Variants in TTLL9 observed in about 807,000 individuals in gnomAD.
TTLL9 encodes the protein tubulin tyrosine ligase like 9.
A neutral mutation model predicts 65.6 loss-of-function variants in TTLL9; 47 were observed. That is an observed-to-expected ratio of 0.72 (90% CI 0.57 to 0.91). The LOEUF (loss-of-function observed/expected upper bound fraction) is 0.91. Among genes scored for constraint, TTLL9 ranks in the 40% least tolerant of loss-of-function variants. TTLL9 has a pLI of 0.00. For missense variants in TTLL9, 537 were observed against 568.8 expected (o/e 0.94, Z 0.57); for synonymous variants, 179 against 204.8 (o/e 0.87, Z 1.07).
intron 3 of TTLL9, among the ~76,000 whole-genome samples, chr20:31,896,805 C>A (rs1333367871): frequency 6.6e-6 from 1 of 152,204 alleles, no homozygotes; most frequent in Non-Finnish European, 1.5e-5. Context: ...GTTAGGATTA[C>A]AGGCGTGAGA....
At chr20:31,873,242 C>T (rs1235560721) in intron 2 of TTLL9, among the ~76,000 whole-genome samples, 2 of 152,172 alleles carry the variant, frequency 1.3e-5, no homozygotes, top group Non-Finnish European at 2.9e-5. Context: ...GAAATGAAAG[C>T]AGGGGTGTTC....
intron 12 of TTLL9, among the ~76,000 whole-genome samples, chr20:31,935,896 G>A (rs925971898): frequency 6.6e-6 from 1 of 152,224 alleles, no homozygotes; most frequent in African/African-American, 2.4e-5. Flanking sequence ...TTGTGATTAG[G>A]ATGACTCCGG....
intron 2 of TTLL9, among the ~76,000 whole-genome samples, chr20:31,873,792 G>GA (rs2062987439): frequency 9.4e-6 from 1 of 106,276 alleles, no homozygotes; most frequent in African/African-American, 3.6e-5. Context: ...GAAAAAGAAA[G>GA]AAAGGAAGGA....
At position 31,928,925 on chromosome 20, in the gene TTLL9, G is replaced by A. The variant is rs189498047; in HGVS notation, c.748+2834G>A. Among the ~76,000 whole-genome samples, 16 of 152,286 alleles carry A rather than the reference G, an allele frequency of 1.1e-4. No homozygotes were observed. In the East Asian group the frequency reaches 2.7e-3, roughly 26 times the overall value. ...GTTTCCTTCTCTGTTGCCCCCGATC[G>A]AGTACAGTGGTGGGATCACAGCTCT... On this transcript the variant is annotated intron_variant, in intron 10 of 14. Transcript: ENST00000535842.
At chr20:31,887,118 A>G in intron 2 of TTLL9, 78 bp from the exon 3 acceptor site, 2 of 1,466,490 alleles carry the variant, frequency 1.4e-6, no homozygotes, top group Non-Finnish European at 1.9e-6. Flanking sequence ...GGGCATTTTA[A>G]TATCTGCAGT....
At chr20:31,919,824 C>T in intron 6 of TTLL9, 40 bp from the exon 7 acceptor site, 1 of 1,528,032 alleles carries the variant, frequency 6.5e-7, no homozygotes, top group Non-Finnish European at 8.8e-7. Flanking sequence ...AGGAACCACG[C>T]AGAGCTAAGA....
At chr20:31,890,196 T>C (rs1019243344) in intron 3 of TTLL9, among the ~76,000 whole-genome samples, 1 of 143,778 alleles carries the variant, frequency 7.0e-6, no homozygotes, top group African/African-American at 2.6e-5. Flanking sequence ...TTTCTTTCTT[T>C]CTTTCTCTTT....
At chr20:31,925,521 TTTA>T (rs2063886272) in intron 9 of TTLL9, among the ~76,000 whole-genome samples, 1 of 152,166 alleles carries the variant, frequency 6.6e-6, no homozygotes, top group Non-Finnish European at 1.5e-5. Flanking sequence ...AGCCTACTCT[TTTA>T]ACCAGGGAGT....
At chr20:31,883,430 T>C (rs1289915730) in intron 2 of TTLL9, among the ~76,000 whole-genome samples, 1 of 152,106 alleles carries the variant, frequency 6.6e-6, no homozygotes, top group Non-Finnish European at 1.5e-5. Flanking sequence ...ACTCCTGACC[T>C]TGTGATCCAC....
intron 10 of TTLL9, among the ~76,000 whole-genome samples, chr20:31,926,402 T>A (rs1472443236): frequency 1.3e-5 from 2 of 152,212 alleles, no homozygotes; most frequent in East Asian, 1.9e-4. Flanking sequence ...GATAACACAG[T>A]GTCCTGGCGA....
chr20:31,912,629 G>C (rs1041766778), intron 6 of TTLL9, among the ~76,000 whole-genome samples: 1 of 148,928 alleles, frequency 6.7e-6, no homozygotes, highest in African/African-American at 2.4e-5. Flanking sequence ...GTGTGTGTGT[G>C]TGTGTGTGTG....
intron 4 of TTLL9, 101 bp downstream of exon 4, chr20:31,898,666 T>A: frequency 1.1e-6 from 1 of 911,882 alleles, no homozygotes; most frequent in Non-Finnish European, 1.7e-6. Context: ...CACTGGGACT[T>A]GTCCCAAAGT....
intron 2 of TTLL9, among the ~76,000 whole-genome samples, chr20:31,876,457 A>G (rs1323936748): frequency 6.6e-6 from 1 of 152,250 alleles, no homozygotes; most frequent in African/African-American, 2.4e-5. Context: ...AAAAAGAAAG[A>G]AAAAAGGAAT....
rs2064042128 is a variant in TTLL9 at position 31,932,827 on chromosome 20, T to A, written c.749-973T>A. On this transcript the variant is annotated intron_variant, in intron 10 of 14. Transcript: ENST00000535842. ...GCCTGGCCAACATGGTGAAACCCCA[T>A]CTCTACTAAAAATACAAAAATCAGC... Among the ~76,000 whole-genome samples the A allele has an allele frequency of 5.3e-5, 8 of 152,066 alleles. 1 individual carries two copies. In the South Asian group the frequency reaches 1.7e-3, roughly 32 times the overall value.
intron 4 of TTLL9, among the ~76,000 whole-genome samples, chr20:31,902,225 C>G (rs1215273895): frequency 3.3e-5 from 5 of 152,172 alleles, no homozygotes; most frequent in African/African-American, 1.2e-4. Context: ...TTCTCCCTCC[C>G]TCCAGCCTCT....
intron 4 of TTLL9, among the ~76,000 whole-genome samples, chr20:31,904,719 T>C (rs2063526786): frequency 6.6e-6 from 1 of 152,214 alleles, no homozygotes; most frequent in African/African-American, 2.4e-5. Context: ...GGTTACTCTC[T>C]GTCATTCCTT....
Position 31,943,159 on chromosome 20 carries a change from G to A in TTLL9, c.*138G>A, listed in dbSNP as rs988066674. 5.1e-6 allele frequency: 4 copies of A among 790,400 alleles called. No individual in the cohort carries two copies. In the African/African-American group the frequency reaches 5.1e-5, roughly 10 times the overall value. 49.0% of individuals were successfully genotyped at this position (790,400 alleles called of 1,614,324 possible). A position where few individuals can be genotyped will look rare whatever the true frequency, so the allele number is the denominator to read the frequency against. On this transcript the variant is annotated 3_prime_UTR_variant, in exon 15 of 15. Coordinates refer to ENST00000535842, the MANE Select transcript of TTLL9 (RefSeq NM_001008409.5). ...CACCAGCTTTGCTGGCTTAGCAGCT[G>A]CAGCTTACTACCTGAATTGGGCCCC... is the stretch of plus-strand genomic sequence containing the variant.
At position 31,939,432 on chromosome 20, in the gene TTLL9, A is replaced by C. The variant is rs1409686438; in HGVS notation, c.1243+166A>C. The C allele has an allele frequency of 8.4e-6, 6 of 715,968 alleles. No individual in the cohort carries two copies. In the East Asian group the frequency reaches 1.0e-4, roughly 12 times the overall value. 44.4% of individuals were successfully genotyped at this position (715,968 alleles called of 1,614,324 possible). ...ACTTAACCTCTGTTCCTCGTTTTTA[A>C]ACTTGGTTTCTAAAAAGTGAAAACT... On this transcript the variant is annotated intron_variant, in intron 14 of 14. Coordinates refer to ENST00000535842, the MANE Select transcript of TTLL9 (RefSeq NM_001008409.5).
chr20:31,879,836 C>A (rs1188857286), intron 2 of TTLL9: 1 of 1,549,508 alleles, frequency 6.5e-7, no homozygotes, highest in Non-Finnish European at 8.7e-7. Flanking sequence ...CATAAGCACG[C>A]GAGGCGCGCG....
Sources: gnomAD v4.1 joint callset for allele counts (sites outside exome capture counted in the v4.1 genomes callset) on GRCh38, gnomAD v4.1.1 for gene constraint, MANE v1.5 for transcripts, NCBI Gene and HGNC (gene_info 2026-07-23, HGNC 2026-07-21) for gene names.